The following TLN2 variants were observed in gnomAD, a reference collection of about 807,000 sequenced individuals.
TLN2 encodes the protein talin 2.
In TLN2, 118 loss-of-function variants were observed where a neutral mutation model predicts 294.7. The observed-to-expected ratio is 0.40, with a 90% confidence interval of 0.34 to 0.47. TLN2 has a LOEUF of 0.47. Among genes scored for constraint, TLN2 ranks in the 20% least tolerant of loss-of-function variants. TLN2 has a pLI of 0.84. For synonymous variants in TLN2, 1,431 were observed against 1,304.5 expected, an observed-to-expected ratio of 1.10 and a Z score of -2.09; for missense variants, 3,083 against 3,282.2, an observed-to-expected ratio of 0.94 and a Z score of 1.48.
chr15:62,658,810 G>A lies in TLN2; in HGVS notation c.788+912G>A, dbSNP rs1173806332. 3.3e-5 allele frequency among the ~76,000 whole-genome samples: 5 copies of A among 152,110 alleles called. No homozygotes were observed. The East Asian group carries it at 5.8e-4, about 18-fold the overall frequency. ...CACAAGTTCCTTTAGCAGTTTCCACGTTCCCACCTTCTAGCCTCACGGCTG... is the reference window on the plus strand; with the variant it reads ...CACAAGTTCCTTTAGCAGTTTCCACATTCCCACCTTCTAGCCTCACGGCTG... On this transcript the variant is annotated intron_variant, in intron 9 of 58. Transcript: ENST00000636159.
chr15:62,769,642 C>T (rs1226307787), intron 41 of TLN2, among the ~76,000 whole-genome samples: 3 of 152,134 alleles, frequency 2.0e-5, no homozygotes, highest in African/African-American at 7.2e-5. Flanking sequence ...CCTCACCTTG[C>T]CCTAGCCACC....
At chr15:62,786,216 C>G (rs975269986) in intron 45 of TLN2, among the ~76,000 whole-genome samples, 25 of 152,084 alleles carry the variant, frequency 1.6e-4, no homozygotes, top group Admixed American at 1.4e-3. Context: ...ATTTGTTTAC[C>G]CAAGAGGGCC....
chr15:62,719,698 C>A, intron 24 of TLN2, 69 bp from the exon 25 acceptor site: 1 of 1,308,924 alleles, frequency 7.6e-7, no homozygotes, highest in Non-Finnish European at 1.0e-6. Flanking sequence ...GCACTTGGGT[C>A]ATGGTCTAGC....
At chr15:62,579,893 C>A (rs978733790) in intron 1 of TLN2, among the ~76,000 whole-genome samples, 2 of 152,206 alleles carry the variant, frequency 1.3e-5, no homozygotes, top group Admixed American at 1.3e-4. Flanking sequence ...AATGGAGGAG[C>A]ATGCACCTTC....
At chr15:62,750,335 G>A (rs947239498) in intron 33 of TLN2, 67 bp from the exon 34 acceptor site, 26 of 1,300,584 alleles carry the variant, frequency 2.0e-5, no homozygotes, top group Non-Finnish European at 2.8e-5. Flanking sequence ...ATAGTTGGCA[G>A]TTGATGTTGA....
At chr15:62,685,789 G>T (rs1162560917) in intron 11 of TLN2, among the ~76,000 whole-genome samples, 1 of 152,146 alleles carries the variant, frequency 6.6e-6, no homozygotes, top group African/African-American at 2.4e-5. Context: ...TACATTCATT[G>T]TAAATATTTA....
intron 2 of TLN2, among the ~76,000 whole-genome samples, chr15:62,604,841 T>G (rs920766954): frequency 1.3e-5 from 2 of 152,074 alleles, no homozygotes; most frequent in African/African-American, 4.8e-5. Flanking sequence ...CCTACCATCC[T>G]GTAGCGTGTG....
intron 1 of TLN2, among the ~76,000 whole-genome samples, chr15:62,531,644 A>G (rs1376035892): frequency 6.6e-6 from 1 of 152,230 alleles, no homozygotes; most frequent in Non-Finnish European, 1.5e-5. Flanking sequence ...GACATCACAT[A>G]TACCCCATAA....
intron 3 of TLN2, chr15:62,644,650 C>T (rs1291944659): frequency 1.3e-5 from 6 of 454,540 alleles, no homozygotes; most frequent in Admixed American, 4.7e-5. Context: ...GACCCCGCAG[C>T]CCCAGGCGTC....
intron 1 of TLN2, among the ~76,000 whole-genome samples, chr15:62,443,172 T>C (rs1314693106): frequency 6.6e-6 from 1 of 152,212 alleles, no homozygotes; most frequent in Non-Finnish European, 1.5e-5. Context: ...TTCTGAGGAT[T>C]GGGGTGTGAA....
intron 1 of TLN2, among the ~76,000 whole-genome samples, chr15:62,513,490 C>T (rs921488309): frequency 3.9e-5 from 6 of 152,158 alleles, no homozygotes; most frequent in Admixed American, 1.3e-4. Context: ...CTTCCTGTTT[C>T]GACAGGGAAA....
At chr15:62,428,164 C>T (rs10519148) in intron 1 of TLN2, among the ~76,000 whole-genome samples, 28,196 of 152,142 alleles carry the variant, frequency 0.19, 2,876 homozygotes, top group Non-Finnish European at 0.22. Flanking sequence ...TTTAATAGTT[C>T]ATAAATGTCA....
chr15:62,655,965 G>A lies in TLN2; in HGVS notation c.539G>A (p.Arg180Gln), dbSNP rs542705235. 21 of 1,614,124 alleles carry A rather than the reference G, an allele frequency of 1.3e-5. No homozygotes were observed. Among genetic ancestry groups the A allele is most frequent in the South Asian group, 3.3e-5 (3 of 91,062 alleles). ...DDDLNWLDHS[R>Q]TFREQGVDEN... The stretch of plus-strand genomic sequence containing the variant: ...GCAGTAAATTGGCTGGATCACAGCC[G>A]AACATTCAGAGAACAAGGAGTAGAT... The change falls in exon 8 of 59, where the codon CGA becomes CAA. Residue 180 changes from arginine (R) to glutamine (Q), a missense_variant. Arg to Gln is a conservative substitution (Grantham distance 43, BLOSUM62 1). Coordinates refer to ENST00000636159, the MANE Select transcript of TLN2 (RefSeq NM_015059.3).
intron 1 of TLN2, among the ~76,000 whole-genome samples, chr15:62,537,147 T>C (rs997810577): frequency 2.0e-5 from 3 of 151,802 alleles, no homozygotes; most frequent in African/African-American, 7.3e-5. Context: ...GCCTCCCGAG[T>C]AGCTGGGACT....
chr15:62,682,513 C>T (rs1033919233), intron 11 of TLN2, among the ~76,000 whole-genome samples: 2 of 152,160 alleles, frequency 1.3e-5, no homozygotes, highest in Non-Finnish European at 2.9e-5. Context: ...TGGATCCCGG[C>T]TTTGCCACTT....
intron 3 of TLN2, among the ~76,000 whole-genome samples, chr15:62,619,763 C>T (rs934667446): frequency 1.3e-5 from 2 of 152,186 alleles, no homozygotes; most frequent in Non-Finnish European, 1.5e-5. Flanking sequence ...CTTCTAGAGC[C>T]TTGGAGGGTA....
At chr15:62,554,286 A>C (rs2140565706) in intron 1 of TLN2, among the ~76,000 whole-genome samples, 1 of 150,480 alleles carries the variant, frequency 6.6e-6, no homozygotes, top group Non-Finnish European at 1.5e-5. Context: ...TATAGGGACT[A>C]TTTAATAGTA....
At chr15:62,663,045 G>T (rs896971650) in intron 9 of TLN2, among the ~76,000 whole-genome samples, 1 of 151,916 alleles carries the variant, frequency 6.6e-6, no homozygotes, top group Admixed American at 6.6e-5. Flanking sequence ...GGATGGTCTC[G>T]ATCTCCTGAT....
chr15:62,654,113 C>T (rs191222936), intron 7 of TLN2, among the ~76,000 whole-genome samples: 4 of 152,118 alleles, frequency 2.6e-5, no homozygotes, highest in African/African-American at 7.2e-5. Context: ...ATATATAATA[C>T]GTTATTATTA....
Sources: allele counts gnomAD v4.1 joint callset (sites outside exome capture counted in the v4.1 genomes callset), GRCh38; gene constraint gnomAD v4.1.1; transcripts MANE v1.5; gene names NCBI Gene and HGNC (gene_info 2026-07-23, HGNC 2026-07-21).